Variants in KCNK2 observed in about 807,000 individuals in gnomAD.
The protein encoded by KCNK2 is potassium channel subfamily K member 2.
In KCNK2, 21 loss-of-function variants were observed where a neutral mutation model predicts 40.5. That is an observed-to-expected ratio of 0.52 (90% confidence interval 0.37 to 0.75). The LOEUF is 0.75. KCNK2 is among the 30% of genes least tolerant of loss of function. The pLI is 0.00. For synonymous variants in KCNK2, 191 were observed against 202.2 expected (o/e 0.94, Z 0.47); for missense variants, 399 against 531.6 (o/e 0.75, Z 2.45).
At chr1:215,024,656 T>A (rs541477552) in intron 1 of KCNK2, among the ~76,000 whole-genome samples, 1 of 152,274 alleles carries the variant, frequency 6.6e-6, no homozygotes, top group Admixed American at 6.5e-5. Flanking sequence ...GAAATTCCCA[T>A]TGAACAAATG....
At chr1:215,036,149 G>A (rs1305669317) in intron 1 of KCNK2, among the ~76,000 whole-genome samples, 1 of 148,350 alleles carries the variant, frequency 6.7e-6, no homozygotes, top group Admixed American at 6.7e-5. Flanking sequence ...TTTTTTCCTA[G>A]AAAATTTATA....
At chr1:215,196,580 T>C (rs1255761296) in intron 6 of KCNK2, among the ~76,000 whole-genome samples, 2 of 152,198 alleles carry the variant, frequency 1.3e-5, no homozygotes, top group East Asian at 1.9e-4. Context: ...AGTAAGACAA[T>C]ATGCTTGACA....
intron 1 of KCNK2, among the ~76,000 whole-genome samples, chr1:215,071,657 T>C (rs1014252674): frequency 2.0e-5 from 3 of 152,192 alleles, no homozygotes; most frequent in Non-Finnish European, 4.4e-5. Flanking sequence ...TGATTTATTC[T>C]TTCAGAGAAG....
intron 4 of KCNK2, among the ~76,000 whole-genome samples, chr1:215,170,357 A>G (rs1281888154): frequency 1.3e-5 from 2 of 152,184 alleles, no homozygotes; most frequent in African/African-American, 4.8e-5. Context: ...ATTTTAAGTG[A>G]AAAATAAGAA....
At chr1:215,014,641 C>A (rs1056104033) in intron 1 of KCNK2, among the ~76,000 whole-genome samples, 3 of 151,986 alleles carry the variant, frequency 2.0e-5, no homozygotes, top group Non-Finnish European at 4.4e-5. Flanking sequence ...GTTTATCATG[C>A]TAATCCAAAT....
chr1:215,195,773 A>G (rs532974610), intron 6 of KCNK2, among the ~76,000 whole-genome samples: 6 of 152,228 alleles, frequency 3.9e-5, no homozygotes, highest in African/African-American at 1.2e-4. Flanking sequence ...TCATATTTAC[A>G]TATCCAGGAT....
chr1:215,091,813 G>A (rs1267159568), intron 2 of KCNK2, among the ~76,000 whole-genome samples: 1 of 152,176 alleles, frequency 6.6e-6, no homozygotes, highest in Non-Finnish European at 1.5e-5. Context: ...GTAGCTGTCT[G>A]GGGAATAACA....
At chr1:215,095,248 T>C (rs2102543674) in intron 2 of KCNK2, among the ~76,000 whole-genome samples, 1 of 152,198 alleles carries the variant, frequency 6.6e-6, no homozygotes, top group Non-Finnish European at 1.5e-5. Context: ...CGCCTTGCAG[T>C]TCAGAAAGAA....
intron 1 of KCNK2, among the ~76,000 whole-genome samples, chr1:215,026,925 T>C (rs1657020533): frequency 6.6e-6 from 1 of 152,070 alleles, no homozygotes; most frequent in South Asian, 2.1e-4. Flanking sequence ...AATTTTATTG[T>C]TTCAGATCAT....
intron 6 of KCNK2, among the ~76,000 whole-genome samples, chr1:215,202,623 T>G (rs141460615): frequency 2.1e-4 from 32 of 152,282 alleles, no homozygotes; most frequent in African/African-American, 7.7e-4. Flanking sequence ...AAGGCCTTAA[T>G]AAGTCAAAAT....
chr1:215,170,347 A>G (rs1663650776), intron 4 of KCNK2, among the ~76,000 whole-genome samples: 1 of 152,154 alleles, frequency 6.6e-6, no homozygotes, highest in Non-Finnish European at 1.5e-5. Flanking sequence ...TTTTGTTAGA[A>G]TTTTAAGTGA....
chr1:215,154,179 C>A (rs1558115840), intron 3 of KCNK2, among the ~76,000 whole-genome samples: 1 of 152,138 alleles, frequency 6.6e-6, no homozygotes, highest in African/African-American at 2.4e-5. Context: ...ACACTGTCTG[C>A]CACAATGGTT....
intron 1 of KCNK2, among the ~76,000 whole-genome samples, chr1:215,077,468 T>A (rs772184757): frequency 6.6e-6 from 1 of 152,172 alleles, no homozygotes; most frequent in African/African-American, 2.4e-5. Context: ...AAAGCAATAA[T>A]GTCCAAATTC....
intron 1 of KCNK2, among the ~76,000 whole-genome samples, chr1:215,063,612 T>A (rs1658431941): frequency 6.6e-6 from 1 of 152,200 alleles, no homozygotes; most frequent in Admixed American, 6.5e-5. Context: ...AATGCACCTA[T>A]ATTGTCTGAA....
intron 3 of KCNK2, among the ~76,000 whole-genome samples, chr1:215,147,658 C>A (rs1197073994): frequency 6.6e-6 from 1 of 152,000 alleles, no homozygotes; most frequent in African/African-American, 2.4e-5. Context: ...ATGGTGAGAC[C>A]CTGTCTATAC....
intron 2 of KCNK2, among the ~76,000 whole-genome samples, chr1:215,115,975 A>C (rs1188452320): frequency 3.6e-5 from 5 of 137,146 alleles, no homozygotes; most frequent in African/African-American, 1.4e-4. Flanking sequence ...TTTTTTTTCT[A>C]TACACCACTG....
chr1:215,100,536 G>C (rs913372923), intron 2 of KCNK2, among the ~76,000 whole-genome samples: 2 of 151,888 alleles, frequency 1.3e-5, no homozygotes, highest in African/African-American at 4.8e-5. Flanking sequence ...TTACTTTAAA[G>C]CTTAATTTGG....
intron 1 of KCNK2, among the ~76,000 whole-genome samples, chr1:215,032,136 A>C (rs11120470): frequency 0.021 from 3,114 of 149,210 alleles, 110 homozygotes; most frequent in African/African-American, 0.073. Context: ...GGGCAGGGAC[A>C]GTGGTTCATA....
chr1:215,176,408 CA>C (rs1474099800), intron 5 of KCNK2, among the ~76,000 whole-genome samples: 2 of 152,002 alleles, frequency 1.3e-5, no homozygotes, highest in African/African-American at 4.8e-5. Flanking sequence ...AAACGTGTGC[CA>C]TGGTGATTTG....
Sources: gnomAD v4.1 joint callset for allele counts (sites outside exome capture counted in the v4.1 genomes callset) on GRCh38, gnomAD v4.1.1 for gene constraint, MANE v1.5 for transcripts, NCBI Gene and HGNC (gene_info 2026-07-23, HGNC 2026-07-21) for gene names.